MDGA1: variants seen among roughly 807,000 people sequenced by gnomAD.
MDGA1 encodes the protein MAM domain containing glycosylphosphatidylinositol anchor 1, also known as MAM domain-containing glycosylphosphatidylinositol anchor protein 1.
MDGA1 carries 54 observed loss-of-function variants against 101.5 expected under a neutral mutation model. The ratio of observed to expected loss-of-function variants is 0.53; its 90% confidence interval spans 0.43 to 0.67. The LOEUF (loss-of-function observed/expected upper bound fraction) is 0.67. Among genes scored for constraint, MDGA1 ranks in the 30% least tolerant of loss-of-function variants. MDGA1 has a pLI of 0.00. For synonymous variants in MDGA1, 533 were observed against 558.3 expected (o/e 0.95, Z 0.64); for missense variants, 1,083 against 1,323.8 (o/e 0.82, Z 2.82).
chr6:37,681,330 C>T (rs139234988), intron 1 of MDGA1, among the ~76,000 whole-genome samples: 16 of 152,170 alleles, frequency 1.1e-4, no homozygotes, highest in East Asian at 9.6e-4. Context: ...CCTGCCCCCC[C>T]TCTTCAGGTC....
Position 37,654,886 on chromosome 6 carries a change from T to C in MDGA1, c.626A>G (p.Tyr209Cys). Residue 209 changes from tyrosine (Y) to cysteine (C), a missense_variant, in exon 5 of 17, where the codon TAT becomes TGT. Physicochemically the swap from Tyr to Cys is radical, Grantham distance 194. This residue lies in a region of MDGA1 where 310 missense variants were observed against 355.9 expected (regional missense o/e 0.87). Transcript: ENST00000434837. ...LKLKNLRPQD[Y>C]ASYTCQVSVR... Reference sequence around the variant, plus strand: ...AGACACCTGGCAGGTGTAGCTGGCATAGTCCTGGGGCCGCAGGTTCTTCAG... The same window carrying C: ...AGACACCTGGCAGGTGTAGCTGGCACAGTCCTGGGGCCGCAGGTTCTTCAG... 2.5e-6 allele frequency: 4 copies of C among 1,613,742 alleles called. No homozygotes were observed. Among genetic ancestry groups the C allele is most frequent in the Non-Finnish European group, 2.5e-6 (3 of 1,179,824 alleles).
At chr6:37,668,254 A>AC (rs375511844) in intron 1 of MDGA1, among the ~76,000 whole-genome samples, 2 of 146,564 alleles carry the variant, frequency 1.4e-5, no homozygotes, top group African/African-American at 5.3e-5. Context: ...CTGTCTAAAA[A>AC]AAAAAAAAAA....
At chr6:37,681,890 T>C (rs1762104102) in intron 1 of MDGA1, among the ~76,000 whole-genome samples, 1 of 152,144 alleles carries the variant, frequency 6.6e-6, no homozygotes, top group South Asian at 2.1e-4. Context: ...CAGACAAGGG[T>C]GTCAGTGCTT....
Position 37,636,013 on chromosome 6 carries a change from G to A in MDGA1, c.*1355C>T, listed in dbSNP as rs143084279. 2.9e-4 allele frequency: 99 copies of A among 346,382 alleles called. No individual in the cohort carries two copies. The highest frequency in any genetic ancestry group is 1.5e-3 in the African/African-American group (73 of 47,756). The allele number at this position is 346,382 out of a possible 1,614,324, so 21.5% of individuals were successfully genotyped here. ...CACTCCTGCCCAACAATGTACCCAC[G>A]GTGGTACCTAGACACAGACGGGCAC... On this transcript the variant is annotated 3_prime_UTR_variant, in exon 17 of 17. Transcript: ENST00000434837.
At chr6:37,667,190 T>C (rs997531029) in intron 1 of MDGA1, among the ~76,000 whole-genome samples, 1 of 152,174 alleles carries the variant, frequency 6.6e-6, no homozygotes, top group African/African-American at 2.4e-5. Flanking sequence ...CAGGCTATGT[T>C]TAACCACAAG....
intron 1 of MDGA1, among the ~76,000 whole-genome samples, chr6:37,692,442 G>A (rs968754729): frequency 6.6e-6 from 1 of 151,524 alleles, no homozygotes; most frequent in Non-Finnish European, 1.5e-5. Flanking sequence ...GGGCAGGGGG[G>A]AGTGGCAGGG....
At chr6:37,680,594 C>T (rs1352284050) in intron 1 of MDGA1, among the ~76,000 whole-genome samples, 1 of 152,266 alleles carries the variant, frequency 6.6e-6, no homozygotes, top group Non-Finnish European at 1.5e-5. Context: ...AGTGCAGGTG[C>T]TCAAAAGATT....
intron 1 of MDGA1, among the ~76,000 whole-genome samples, chr6:37,682,602 A>G (rs1026979782): frequency 2.0e-5 from 3 of 152,054 alleles, no homozygotes; most frequent in African/African-American, 7.3e-5. Context: ...GTGTGGCCTG[A>G]GAACTTCTCT....
At position 37,638,338 on chromosome 6, in the gene MDGA1, A is replaced by G. The variant is rs1393304560; in HGVS notation, c.2668-25T>C. On this transcript the variant is annotated intron_variant, in intron 15 of 16. Transcript: ENST00000434837. The surrounding 1 kb of genome is among the most constrained non-coding windows in gnomAD (Gnocchi z 4.8). The stretch of plus-strand genomic sequence containing the variant: ...TCTGGGGTGGGGTCAGAAAGCAAGG[A>G]GCAAGGGTTGAGGAGGTTCTGCTGG... The G allele has an allele frequency of 6.3e-7, 1 of 1,582,732 alleles. No individual in the cohort carries two copies. Among genetic ancestry groups the G allele is most frequent in the Non-Finnish European group, 8.6e-7 (1 of 1,161,588 alleles).
chr6:37,671,348 G>A (rs114048116), intron 1 of MDGA1, among the ~76,000 whole-genome samples: 10 of 152,188 alleles, frequency 6.6e-5, no homozygotes, highest in Non-Finnish European at 1.3e-4. Context: ...CCCCTTCTTC[G>A]CAGAGCACAA....
chr6:37,660,803 T>G (rs1761605181), intron 2 of MDGA1, among the ~76,000 whole-genome samples: 1 of 152,240 alleles, frequency 6.6e-6, no homozygotes, highest in South Asian at 2.1e-4. Context: ...TTTAAAATTT[T>G]ACTCCACAGG....
intron 1 of MDGA1, among the ~76,000 whole-genome samples, chr6:37,681,824 C>G (rs937269093): frequency 1.3e-5 from 2 of 152,140 alleles, no homozygotes; most frequent in African/African-American, 4.8e-5. Flanking sequence ...CACCCTCACC[C>G]CAGCCAGGCT....
chr6:37,647,514 T>G, intron 9 of MDGA1, among the ~76,000 whole-genome samples, 190 bp from the exon 10 acceptor site: 1 of 150,082 alleles, frequency 6.7e-6, no homozygotes, highest in African/African-American at 2.5e-5. Context: ...GAGGATGGGA[T>G]AGGAGGGAAA....
chr6:37,645,105 A>G (rs1460550556), intron 12 of MDGA1, among the ~76,000 whole-genome samples: 1 of 152,240 alleles, frequency 6.6e-6, no homozygotes, highest in African/African-American at 2.4e-5. Flanking sequence ...TATCTGGAAC[A>G]ACTGTAAGGT....
chr6:37,654,958 G>A (rs1761451396), intron 4 of MDGA1, 26 bp from the exon 5 acceptor site: 1 of 1,611,210 alleles, frequency 6.2e-7, no homozygotes, highest in Non-Finnish European at 8.5e-7. Flanking sequence ...CCACTGGGGT[G>A]AGGTGCCTGC....
chr6:37,659,366 G>C (rs1761570491), intron 2 of MDGA1, among the ~76,000 whole-genome samples: 1 of 152,214 alleles, frequency 6.6e-6, no homozygotes, highest in South Asian at 2.1e-4. Flanking sequence ...TACAAAGAAA[G>C]TATATAAATC....
intron 12 of MDGA1, 115 bp from the exon 13 acceptor site, chr6:37,644,764 G>T: frequency 1.1e-5 from 12 of 1,137,408 alleles, no homozygotes; most frequent in Non-Finnish European, 1.4e-5. Flanking sequence ...AGGCACCCAG[G>T]ATTCCGGGCT....
Position 37,649,281 on chromosome 6 carries a change from G to A in MDGA1, c.1610-15C>T, listed in dbSNP as rs745738148. ...CTCCGGCGGGACTGGGGGCGGGAGC[G>A]GCGGTCAGCGGGGCCTCTCCCCAGC... On this transcript the variant is annotated splice_polypyrimidine_tract_variant and intron_variant, in intron 8 of 16. Transcript: ENST00000434837. The A allele has an allele frequency of 1.4e-6, 2 of 1,468,020 alleles. No homozygotes were observed. Among genetic ancestry groups the A allele is most frequent in the East Asian group, 5.4e-5 (2 of 37,026 alleles). The allele number at this position is 1,468,020 out of a possible 1,614,324, so 90.9% of individuals were successfully genotyped here.
At chr6:37,668,041 A>G (rs1761792376) in intron 1 of MDGA1, among the ~76,000 whole-genome samples, 1 of 152,162 alleles carries the variant, frequency 6.6e-6, no homozygotes, top group Non-Finnish European at 1.5e-5. Context: ...ACTTGAGCCC[A>G]GGACTTCTAG....
Sources: gnomAD v4.1 joint callset for allele counts (sites outside exome capture counted in the v4.1 genomes callset) on GRCh38, gnomAD v4.1.1 for gene constraint, gnomAD v4.1.1 regional missense constraint, Gnocchi (gnomAD v3.1) non-coding constraint, MANE v1.5 for transcripts, NCBI Gene and HGNC (gene_info 2026-07-23, HGNC 2026-07-21) for gene names.